Variants in ZNF398 observed in about 807,000 individuals in gnomAD.
ZNF398 encodes the protein zinc finger protein 398, also known as zinc finger DNA binding protein ZER6.
A neutral mutation model predicts 41.9 loss-of-function variants in ZNF398; 18 were observed. The ratio of observed to expected loss-of-function variants is 0.43; its 90% CI spans 0.30 to 0.64. The LOEUF is 0.64. Ranked by LOEUF, ZNF398 falls within the 30% of genes least tolerant of loss-of-function variation. The pLI, the probability that ZNF398 is intolerant of heterozygous loss-of-function variation, is 0.14. For missense variants in ZNF398, 669 were observed against 822.8 expected (o/e 0.81, Z 2.29); for synonymous variants, 260 against 308.8 (o/e 0.84, Z 1.66).
intron 2 of ZNF398, among the ~76,000 whole-genome samples, chr7:149,129,732 A>G (rs1349927657): frequency 6.6e-6 from 1 of 151,874 alleles, no homozygotes; most frequent in African/African-American, 2.4e-5. Context: ...GATATACTGA[A>G]GAGTATTTAT....
chr7:149,160,581 G>A (rs1175108746), intron 2 of ZNF398, among the ~76,000 whole-genome samples: 2 of 152,180 alleles, frequency 1.3e-5, no homozygotes, highest in African/African-American at 4.8e-5. Flanking sequence ...CCAGCCCCAT[G>A]TCTTGTCCAT....
intron 1 of ZNF398, among the ~76,000 whole-genome samples, chr7:149,152,575 T>TC (rs1183159974): frequency 6.6e-6 from 1 of 151,180 alleles, no homozygotes; most frequent in East Asian, 2.0e-4. Context: ...TCTTTTTTTT[T>TC]TTTTTTCTGA....
chr7:149,140,707 A>G (rs1437168824), intron 2 of ZNF398, among the ~76,000 whole-genome samples: 3 of 151,946 alleles, frequency 2.0e-5, no homozygotes, highest in Non-Finnish European at 4.4e-5. Context: ...TTAGAAACGA[A>G]TGTTTAACAA....
intron 2 of ZNF398, among the ~76,000 whole-genome samples, chr7:149,140,778 A>G (rs553462494): frequency 1.1e-4 from 16 of 152,208 alleles, no homozygotes; most frequent in Non-Finnish European, 1.6e-4. Context: ...GGTAGCTCAC[A>G]CCAGGAATCC....
At chr7:149,157,115 T>C (rs554418069) in intron 2 of ZNF398, among the ~76,000 whole-genome samples, 1 of 152,182 alleles carries the variant, frequency 6.6e-6, no homozygotes, top group South Asian at 2.1e-4. Flanking sequence ...TGGAGTTTCC[T>C]TGAGGGGAAT....
At chr7:149,136,214 A>G (rs1826709488) in intron 2 of ZNF398, among the ~76,000 whole-genome samples, 1 of 152,160 alleles carries the variant, frequency 6.6e-6, no homozygotes, top group Non-Finnish European at 1.5e-5. Flanking sequence ...AAAAATGCAA[A>G]CTTGGGGAGG....
In ZNF398 at chr7:149,138,799, C is replaced by T. The variant is rs542972184; in HGVS notation, c.-490+9855C>T. The stretch of plus-strand genomic sequence containing the variant: ...TATATTTCAAATATTCTGCAAAGCA[C>T]AGAAAAGTAATAATAAATGTGCTCA... On this transcript the variant is annotated intron_variant, in intron 2 of 6. Coordinates refer to the ZNF398 transcript ENST00000426851. Among the ~76,000 whole-genome samples, 5 of 152,194 alleles carry T rather than the reference C, an allele frequency of 3.3e-5. No homozygotes were observed. In the East Asian group the frequency reaches 9.7e-4, roughly 29 times the overall value.
At chr7:149,128,458 A>T (rs1826529752) in intron 1 of ZNF398, among the ~76,000 whole-genome samples, 1 of 152,056 alleles carries the variant, frequency 6.6e-6, no homozygotes, top group South Asian at 2.1e-4. Context: ...AAGGTGCTAG[A>T]TTCTCTGGCC....
At chr7:149,137,687 A>AT (rs1563153851) in intron 2 of ZNF398, among the ~76,000 whole-genome samples, 6 of 152,020 alleles carry the variant, frequency 3.9e-5, no homozygotes, top group South Asian at 2.1e-4. Flanking sequence ...GCATGTAGAT[A>AT]CTTTTTATCA....
intron 2 of ZNF398, among the ~76,000 whole-genome samples, chr7:149,156,054 G>A (rs1585520939): frequency 1.3e-5 from 2 of 152,114 alleles, no homozygotes; most frequent in Admixed American, 1.3e-4. Context: ...AATCCCTTTG[G>A]CTGCTTTGTG....
chr7:149,153,469 T>G (rs1378290309), intron 1 of ZNF398, among the ~76,000 whole-genome samples: 1 of 152,214 alleles, frequency 6.6e-6, no homozygotes. Flanking sequence ...ACAGCTCTCA[T>G]GTTTTCTTCA....
intron 4 of ZNF398, among the ~76,000 whole-genome samples, chr7:149,173,746 C>G (rs1339116339): frequency 6.7e-6 from 1 of 148,640 alleles, no homozygotes; most frequent in Non-Finnish European, 1.5e-5. Flanking sequence ...CTTTGTTGTT[C>G]CATTTCTAGT....
chr7:149,149,519 G>T (rs1473609743), intron 1 of ZNF398, among the ~76,000 whole-genome samples: 1 of 151,472 alleles, frequency 6.6e-6, no homozygotes, highest in African/African-American at 2.4e-5. Flanking sequence ...GTGAGCCACC[G>T]CGCCCGGCCT....
rs71192757 is a variant in ZNF398, at chr7:149,128,780, T to TAAAATAAAATAATA, written c.-611-43_-611-42insAAAATAAAATAATA. 15 of 143,442 alleles carry TAAAATAAAATAATA rather than the reference T, an allele frequency of 1.0e-4. 1 individual carries two copies. The highest frequency in any genetic ancestry group is 2.6e-4 in the African/African-American group (10 of 37,834). 8.9% of individuals were successfully genotyped at this position (143,442 alleles called of 1,614,324 possible). On this transcript the variant is annotated intron_variant, in intron 1 of 6. Coordinates refer to the ZNF398 transcript ENST00000426851. ...AAAAATAAAATAAAATAAAATAAAA[T>TAAAATAAAATAATA]TATATATATATATATATTGTTTGTT...
intron 1 of ZNF398, among the ~76,000 whole-genome samples, chr7:149,127,548 CAAAAAAAAAA>C (rs61080328): frequency 4.0e-5 from 3 of 74,902 alleles, no homozygotes; most frequent in Non-Finnish European, 7.1e-5. Flanking sequence ...ACTAAAAATA[CAAAAAAAAAA>C]AAAAAAAAAA....
intron 2 of ZNF398, among the ~76,000 whole-genome samples, chr7:149,141,689 C>CGGCCAAG (rs201343866): frequency 0.075 from 11,462 of 152,056 alleles, 427 homozygotes; most frequent in Middle Eastern, 0.092. Flanking sequence ...CTCTTGACCT[C>CGGCCAAG]GTGATCCACC....
At chr7:149,127,121 G>A (rs1227359755) in intron 1 of ZNF398, among the ~76,000 whole-genome samples, 1 of 152,172 alleles carries the variant, frequency 6.6e-6, no homozygotes, top group African/African-American at 2.4e-5. Context: ...GCAAAAACGG[G>A]AGAGGTGGGA....
rs1795533931 is a variant in ZNF398 at position 149,179,095 on chromosome 7, C to T, written c.1223C>T (p.Thr408Ile). The T allele has an allele frequency of 6.2e-7, 1 of 1,614,012 alleles. No homozygotes were observed. The highest frequency in any genetic ancestry group is 1.1e-5 in the South Asian group (1 of 91,080). ...PTCPHCARTFTHPSRLTYHLR... is the reference protein window; with the variant it reads ...PTCPHCARTFIHPSRLTYHLR... ...TGCCCACACTGTGCCAGGACTTTTA[C>T]TCACCCATCAAGACTTACCTACCAT... is the stretch of plus-strand genomic sequence containing the variant. The change falls in exon 6 of 6, where the codon ACT becomes ATT. Residue 408 changes from threonine (T) to isoleucine (I), a missense_variant. Around this residue, in one of 3 missense-constraint regions of ZNF398, gnomAD observed 290 missense variants for 292.9 expected, o/e 0.99. Coordinates refer to ENST00000475153, the MANE Select transcript of ZNF398 (RefSeq NM_170686.3). The surrounding 1 kb of genome is among the most constrained non-coding windows in gnomAD (Gnocchi z 6.1).
intron 3 of ZNF398, 27 bp from the exon 4 acceptor site, chr7:149,166,790 A>G: frequency 1.3e-6 from 2 of 1,515,904 alleles, no homozygotes; most frequent in South Asian, 2.3e-5. Flanking sequence ...TCTTTGTAAT[A>G]CTCTCTCTTC....
Sources: allele counts gnomAD v4.1 joint callset (sites outside exome capture counted in the v4.1 genomes callset), GRCh38; gene constraint gnomAD v4.1.1; regional missense constraint gnomAD v4.1.1; non-coding constraint Gnocchi (gnomAD v3.1); transcripts MANE v1.5; gene names NCBI Gene and HGNC (gene_info 2026-07-23, HGNC 2026-07-21).